The following FER variants were observed in gnomAD, a reference collection of about 807,000 sequenced individuals.
The protein encoded by FER is tyrosine-protein kinase Fer.
A neutral mutation model predicts 111.0 loss-of-function variants in FER; 63 were observed. That is an observed-to-expected ratio of 0.57 (90% CI 0.46 to 0.70). The LOEUF is 0.70. FER is among the 30% of genes least tolerant of loss of function. The pLI, the probability that FER is intolerant of heterozygous loss-of-function variation, is 0.00. For missense variants in FER, 914 were observed against 954.0 expected, an observed-to-expected ratio of 0.96 and a Z score of 0.55; for synonymous variants, 327 against 313.9, an observed-to-expected ratio of 1.04 and a Z score of -0.44.
At chr5:108,944,775 A>G (rs1447542512) in intron 10 of FER, among the ~76,000 whole-genome samples, 1 of 140,788 alleles carries the variant, frequency 7.1e-6, no homozygotes, top group Non-Finnish European at 1.6e-5. Flanking sequence ...TTGCTGCTAT[A>G]TGAAACTTAA....
chr5:108,919,911 A>G (rs1480012938), intron 10 of FER, among the ~76,000 whole-genome samples: 1 of 152,146 alleles, frequency 6.6e-6, no homozygotes. Flanking sequence ...AAAAGTGGCA[A>G]GTCATAGAAA....
intron 10 of FER, among the ~76,000 whole-genome samples, chr5:108,922,746 G>T (rs1753190743): frequency 1.3e-5 from 2 of 152,146 alleles, no homozygotes; most frequent in Admixed American, 6.5e-5. Flanking sequence ...AAAAATGAGT[G>T]CAGGGAGTGA....
chr5:108,755,357 T>G (rs1750968397), intron 1 of FER, among the ~76,000 whole-genome samples: 1 of 152,216 alleles, frequency 6.6e-6, no homozygotes, highest in African/African-American at 2.4e-5. Context: ...CTGTAGTATG[T>G]GTCCTTTCTC....
chr5:109,046,207 T>C (rs1383547873), intron 15 of FER, among the ~76,000 whole-genome samples: 1 of 152,196 alleles, frequency 6.6e-6, no homozygotes, highest in African/African-American at 2.4e-5. Flanking sequence ...AACTTTTGTT[T>C]CTACCATTTT....
At chr5:108,835,099 T>C (rs1760473518) in intron 4 of FER, among the ~76,000 whole-genome samples, 1 of 151,808 alleles carries the variant, frequency 6.6e-6, no homozygotes, top group East Asian at 1.9e-4. Context: ...TAATGGTTTG[T>C]TTAATTACAG....
At chr5:108,913,491 G>A (rs1561605587) in intron 10 of FER, among the ~76,000 whole-genome samples, 2 of 152,158 alleles carry the variant, frequency 1.3e-5, no homozygotes, top group Non-Finnish European at 2.9e-5. Context: ...TTTATAGATA[G>A]GCAAAGTAGA....
intron 14 of FER, among the ~76,000 whole-genome samples, chr5:109,038,532 CT>C (rs1056517498): frequency 1.8e-4 from 27 of 151,820 alleles, no homozygotes; most frequent in Non-Finnish European, 4.0e-4. Context: ...TTTTAAAATA[CT>C]TTTCCCAAAG....
chr5:108,949,107 T>C (rs573658345), intron 11 of FER, among the ~76,000 whole-genome samples: 9 of 152,202 alleles, frequency 5.9e-5, no homozygotes, highest in Admixed American at 2.6e-4. Context: ...GCTTGCTTGC[T>C]TGCTTTTTAG....
At chr5:108,773,858 T>C (rs1753193390) in intron 2 of FER, among the ~76,000 whole-genome samples, 1 of 152,192 alleles carries the variant, frequency 6.6e-6, no homozygotes, top group Non-Finnish European at 1.5e-5. Context: ...CCAACATCTG[T>C]TGGTTTTTGA....
chr5:109,050,827 T>A (rs1772689321), intron 16 of FER, among the ~76,000 whole-genome samples: 2 of 152,212 alleles, frequency 1.3e-5, no homozygotes, highest in South Asian at 4.1e-4. Flanking sequence ...ATTTTAACAA[T>A]GGAATGTTTT....
intron 2 of FER, among the ~76,000 whole-genome samples, chr5:108,782,306 G>C (rs1469627376): frequency 6.6e-6 from 1 of 150,416 alleles, no homozygotes; most frequent in Non-Finnish European, 1.5e-5. Flanking sequence ...TTTTTTAAGA[G>C]ATGAAATTTT....
In FER at chr5:108,943,738, T is replaced by A. The variant is rs1756591117; in HGVS notation, c.1237-2392T>A. Among the ~76,000 whole-genome samples, 4 of 152,170 alleles carry A rather than the reference T, an allele frequency of 2.6e-5. No individual in the cohort carries two copies. The South Asian group carries it at 6.2e-4, about 24-fold the overall frequency. On this transcript the variant is annotated intron_variant, in intron 10 of 19. Coordinates refer to ENST00000281092, the MANE Select transcript of FER (RefSeq NM_005246.4). ...AGTTTTTCTGTTTGTTTGTTTTTAT[T>A]TTTTGTTTGTTTTGAGACAGGGTCT... is the stretch of plus-strand genomic sequence containing the variant.
chr5:108,861,272 TA>T (rs933149668), intron 5 of FER, among the ~76,000 whole-genome samples: 8 of 152,160 alleles, frequency 5.3e-5, no homozygotes, highest in Non-Finnish European at 2.9e-5. Context: ...AAGTTTATAA[TA>T]AAAAAAGTGA....
intron 16 of FER, among the ~76,000 whole-genome samples, chr5:109,075,485 G>A (rs182126553): frequency 0.011 from 1,607 of 148,630 alleles, 12 homozygotes; most frequent in Non-Finnish European, 0.015. Flanking sequence ...GCTGGAGGGC[G>A]CAATCTCGAC....
At chr5:108,909,012 C>A (rs1751184087) in intron 10 of FER, among the ~76,000 whole-genome samples, 1 of 152,174 alleles carries the variant, frequency 6.6e-6, no homozygotes. Flanking sequence ...GCCTGGGCAA[C>A]AGAACCAGAC....
chr5:108,995,285 ACTTTAAGTT>A (rs1763840208), intron 13 of FER, among the ~76,000 whole-genome samples: 1 of 151,598 alleles, frequency 6.6e-6, no homozygotes, highest in Non-Finnish European at 1.5e-5. Context: ...TAATTATTAT[ACTTTAAGTT>A]CTGGGGTACA....
At chr5:109,048,059 T>C (rs1185856942) in intron 16 of FER, among the ~76,000 whole-genome samples, 1 of 152,176 alleles carries the variant, frequency 6.6e-6, no homozygotes, top group Non-Finnish European at 1.5e-5. Context: ...TGCTTTACTT[T>C]TAACAATTAT....
At chr5:108,757,731 G>A (rs1751277742) in intron 1 of FER, among the ~76,000 whole-genome samples, 1 of 152,152 alleles carries the variant, frequency 6.6e-6, no homozygotes, top group Non-Finnish European at 1.5e-5. Flanking sequence ...TTTATTAACA[G>A]CTACTACTTT....
intron 2 of FER, among the ~76,000 whole-genome samples, chr5:108,780,882 C>G (rs1753997797): frequency 6.7e-6 from 1 of 150,336 alleles, no homozygotes; most frequent in Non-Finnish European, 1.5e-5. Context: ...TGGGATATCC[C>G]TTAGATATTC....
Sources: gnomAD v4.1 joint callset for allele counts (sites outside exome capture counted in the v4.1 genomes callset) on GRCh38, gnomAD v4.1.1 for gene constraint, MANE v1.5 for transcripts, NCBI Gene and HGNC (gene_info 2026-07-23, HGNC 2026-07-21) for gene names.